RPS6KA4: variants seen among roughly 807,000 people sequenced by gnomAD.
RPS6KA4 encodes the protein ribosomal protein S6 kinase A4.
In RPS6KA4, 38 loss-of-function variants were observed where a neutral mutation model predicts 89.6. The ratio of observed to expected loss-of-function variants is 0.42; its 90% confidence interval spans 0.33 to 0.56. The LOEUF (loss-of-function observed/expected upper bound fraction) is 0.56, where lower values mean the gene tolerates loss of function less well. Among genes scored for constraint, RPS6KA4 ranks in the 20% least tolerant of loss-of-function variants. RPS6KA4 has a pLI of 0.07. For synonymous variants in RPS6KA4, 495 were observed against 492.8 expected, an observed-to-expected ratio of 1.00 and a Z score of -0.06; for missense variants, 873 against 1,098.8, an observed-to-expected ratio of 0.79 and a Z score of 2.90.
At chr11:64,364,448 G>A (rs966863245) in intron 8 of RPS6KA4, among the ~76,000 whole-genome samples, 2 of 152,270 alleles carry the variant, frequency 1.3e-5, no homozygotes, top group Admixed American at 1.3e-4. Flanking sequence ...CTGGGGCTAT[G>A]GTACTAAGGA....
Position 64,371,763 on chromosome 11 carries a change from A to G in RPS6KA4, c.*283A>G. The G allele has an allele frequency of 5.9e-6, 2 of 339,324 alleles. No homozygotes were observed. Among genetic ancestry groups the G allele is most frequent in the Non-Finnish European group, 1.1e-5 (2 of 186,398 alleles). The allele number at this position is 339,324 out of a possible 1,614,324, so 21.0% of individuals were successfully genotyped here. On this transcript the variant is annotated 3_prime_UTR_variant, in exon 17 of 17. Transcript: ENST00000334205. ...CTGGGCAGAAGGCCCCTCCAGGGGG[A>G]CTGCTCCAACAGGAAAGAGCCCCTC...
rs753491076 is a variant in RPS6KA4, at chr11:64,370,579, C to A, written c.1974C>A (p.Asp658Glu). The change falls in exon 16 of 17, where the codon GAC becomes GAA. Residue 658 changes from aspartate (D) to glutamate (E), a missense_variant. Physicochemically the swap from Asp to Glu is conservative, Grantham distance 45. Coordinates refer to ENST00000334205, the MANE Select transcript of RPS6KA4 (RefSeq NM_003942.3). The surrounding 1 kb of genome is among the most constrained non-coding windows in gnomAD (Gnocchi z 4.1). ...KELVRGLLTV[D>E]PAKRLKLEGL... Reference sequence around the variant, plus strand: ...CGCCTCCAGGGCTCCTGACCGTGGACCCCGCCAAGCGGCTGAAGCTCGAGG... The same window carrying A: ...CGCCTCCAGGGCTCCTGACCGTGGAACCCGCCAAGCGGCTGAAGCTCGAGG... The A allele has an allele frequency of 1.6e-5, 25 of 1,592,302 alleles. No homozygotes were observed. The highest frequency in any genetic ancestry group is 4.0e-5 in the African/African-American group (3 of 74,796).
At chr11:64,368,680 A>G in intron 11 of RPS6KA4, 24 bp from the exon 12 acceptor site, 2 of 1,575,386 alleles carry the variant, frequency 1.3e-6, no homozygotes, top group Non-Finnish European at 1.7e-6. Context: ...CGGCGACCGT[A>G]ACTCCTTCTG....
Position 64,371,592 on chromosome 11 carries a change from T to C in RPS6KA4, c.*112T>C, listed in dbSNP as rs1182883296. On this transcript the variant is annotated 3_prime_UTR_variant, in exon 17 of 17. Transcript: ENST00000334205. ...TGATCCCCAAGGGACTGTCCTTTCCTCTCCTACCCCACCCCACTCCCAGAC... is the reference window on the plus strand; with the variant it reads ...TGATCCCCAAGGGACTGTCCTTTCCCCTCCTACCCCACCCCACTCCCAGAC... 1.7e-6 allele frequency: 1 copy of C among 580,966 alleles called. No homozygotes were observed. Among genetic ancestry groups the C allele is most frequent in the South Asian group, 2.1e-5 (1 of 47,990 alleles). The allele number at this position is 580,966 out of a possible 1,614,324, so 36.0% of individuals were successfully genotyped here. A position where few individuals can be genotyped will look rare whatever the true frequency, so the allele number is the denominator to read the frequency against.
chr11:64,364,453 T>C (rs1035958701), intron 8 of RPS6KA4, among the ~76,000 whole-genome samples: 4 of 152,230 alleles, frequency 2.6e-5, no homozygotes. Flanking sequence ...GCTATGGTAC[T>C]AAGGAAGACA....
At position 64,370,961 on chromosome 11, in the gene RPS6KA4, G is replaced by A. The variant is rs7949793; in HGVS notation, c.2121+235G>A. On this transcript the variant is annotated intron_variant, in intron 16 of 16. Transcript: ENST00000334205. This position sits in a 1 kb window ranked among gnomAD's most constrained non-coding sequence, Gnocchi z 4.1. ...TCTTCTAAAAAGAGAAAAATTAGCC[G>A]GGTGTGGTGGCGCGCGCCTGTAATC... Among the ~76,000 whole-genome samples the A allele has an allele frequency of 0.22, 33,566 of 151,932 alleles. 4,711 individuals are homozygous for A. The highest frequency in any genetic ancestry group is 0.32 in the Non-Finnish European group (21,940 of 67,900).
At chr11:64,360,093 C>A in intron 2 of RPS6KA4, 70 bp from the exon 3 acceptor site, 1 of 1,423,544 alleles carries the variant, frequency 7.0e-7, no homozygotes, top group Non-Finnish European at 9.5e-7. Flanking sequence ...GTTGGCATCG[C>A]CCCCACCCCC....
chr11:64,369,472 G>C lies in RPS6KA4; in HGVS notation c.1455G>C (p.Leu485=). 1 of 1,608,396 alleles carries C rather than the reference G, an allele frequency of 6.2e-7. No individual in the cohort carries two copies. Among genetic ancestry groups the C allele is most frequent in the South Asian group, 1.1e-5 (1 of 90,662 alleles). The change falls in exon 13 of 17, where the codon CTG becomes CTC. Residue 485 remains leucine (L), a synonymous_variant. Transcript: ENST00000334205. ...DQLHTYLVLE[L]LRGGELLEHI... Reference sequence around the variant, plus strand: ...TGCACACGTACCTGGTCCTGGAGCTGCTGCGGGGCGGGGAGCTGCTGGAGC... The same window carrying C: ...TGCACACGTACCTGGTCCTGGAGCTCCTGCGGGGCGGGGAGCTGCTGGAGC...
rs1018416154 is a variant in RPS6KA4 at position 64,370,030 on chromosome 11, G to A, written c.1797+137G>A. On this transcript the variant is annotated intron_variant, in intron 14 of 16. Coordinates refer to ENST00000334205, the MANE Select transcript of RPS6KA4 (RefSeq NM_003942.3). The surrounding 1 kb of genome is among the most constrained non-coding windows in gnomAD (Gnocchi z 4.1). Reference sequence around the variant, plus strand: ...TTTCGTCCGAAGCTGGGATCGGGGTGGTTCAAATACAGAGGTGGGGTCGCT... The same window carrying A: ...TTTCGTCCGAAGCTGGGATCGGGGTAGTTCAAATACAGAGGTGGGGTCGCT... 3.5e-6 allele frequency: 4 copies of A among 1,140,380 alleles called. No individual in the cohort carries two copies. The highest frequency in any genetic ancestry group is 3.0e-4 in the Middle Eastern group (1 of 3,336). 70.6% of individuals were successfully genotyped at this position (1,140,380 alleles called of 1,614,324 possible).
rs746810963 is a variant in RPS6KA4, at chr11:64,370,025, G to A, written c.1797+132G>A. ...CTGGGTTTCGTCCGAAGCTGGGATCGGGGTGGTTCAAATACAGAGGTGGGG... is the reference window on the plus strand; with the variant it reads ...CTGGGTTTCGTCCGAAGCTGGGATCAGGGTGGTTCAAATACAGAGGTGGGG... On this transcript the variant is annotated intron_variant, in intron 14 of 16. Transcript: ENST00000334205. The surrounding 1 kb of genome is among the most constrained non-coding windows in gnomAD (Gnocchi z 4.1). 18 of 1,155,164 alleles carry A rather than the reference G, an allele frequency of 1.6e-5. No individual in the cohort carries two copies. Among genetic ancestry groups the A allele is most frequent in the Non-Finnish European group, 1.9e-5 (16 of 845,370 alleles). 71.6% of individuals were successfully genotyped at this position (1,155,164 alleles called of 1,614,324 possible). A position where few individuals can be genotyped will look rare whatever the true frequency, so the allele number is the denominator to read the frequency against.
chr11:64,359,657 C>G (rs1039756479), intron 2 of RPS6KA4: 6 of 596,752 alleles, frequency 1.0e-5, no homozygotes, highest in Non-Finnish European at 1.5e-5. Flanking sequence ...CCTCCACGGT[C>G]CTGTGCGTGC....
At chr11:64,366,259 C>T (rs968300254) in intron 9 of RPS6KA4, among the ~76,000 whole-genome samples, 1 of 151,720 alleles carries the variant, frequency 6.6e-6, no homozygotes, top group African/African-American at 2.4e-5. Flanking sequence ...AAATCTCTGC[C>T]TCACGGGTTC....
chr11:64,364,804 A>G lies in RPS6KA4; in HGVS notation c.907-497A>G, dbSNP rs550560983. Among the ~76,000 whole-genome samples, 4 of 140,604 alleles carry G rather than the reference A, an allele frequency of 2.8e-5. No homozygotes were observed. In the East Asian group the frequency reaches 6.2e-4, roughly 22 times the overall value. 92.2% of individuals were successfully genotyped at this position (140,604 alleles called of 152,430 possible). A position where few individuals can be genotyped will look rare whatever the true frequency, so the allele number is the denominator to read the frequency against. On this transcript the variant is annotated intron_variant, in intron 8 of 16. Transcript: ENST00000334205. The stretch of plus-strand genomic sequence containing the variant: ...GCCCAGGCTGGAGTGCAGTGGCGCT[A>G]TCTTGGTTCACTGCAACCTCTGCTT...
rs2036997507 is a variant in RPS6KA4 at position 64,369,580 on chromosome 11, C to T, written c.1563C>T (p.His521=). ...TCGTGTCGGCCGTGAGCTTCATGCA[C>T]GAGGAGGCGGGCGTGGTGCACCGCG... ...RSLVSAVSFM[H]EEAGVVHRDL... The change falls in exon 13 of 17, where the codon CAC becomes CAT. Residue 521 remains histidine, a synonymous_variant. Transcript: ENST00000334205. The T allele has an allele frequency of 1.2e-6, 2 of 1,606,008 alleles. No homozygotes were observed. The highest frequency in any genetic ancestry group is 2.2e-5 in the South Asian group (2 of 90,258).
Position 64,361,793 on chromosome 11 carries a change from C to A in RPS6KA4, c.755+48C>A, listed in dbSNP as rs1472042054. 1 of 1,585,064 alleles carries A rather than the reference C, an allele frequency of 6.3e-7. No homozygotes were observed. Among genetic ancestry groups the A allele is most frequent in the Non-Finnish European group, 8.6e-7 (1 of 1,168,246 alleles). The stretch of plus-strand genomic sequence containing the variant: ...GGCGGCCAGAGGGCTGCAGGGCCTG[C>A]CTGGGCAGGGCTGTGGGTGGGGGGC... On this transcript the variant is annotated intron_variant, in intron 7 of 16. Transcript: ENST00000334205. This position sits in a 1 kb window ranked among gnomAD's most constrained non-coding sequence, Gnocchi z 4.7.
At chr11:64,371,246 G>T (rs1276266760) in intron 16 of RPS6KA4, 37 bp from the exon 17 acceptor site, 1 of 1,601,088 alleles carries the variant, frequency 6.2e-7, no homozygotes, top group African/African-American at 1.3e-5. Flanking sequence ...CCGGGGTCAG[G>T]CGGGGGTGGG....
At chr11:64,359,907 C>T in intron 2 of RPS6KA4, 1 of 574,300 alleles carries the variant, frequency 1.7e-6, no homozygotes, top group Non-Finnish European at 3.1e-6. Context: ...CGCCCCCATG[C>T]CTCGCAGCAG....
chr11:64,370,347 G>A lies in RPS6KA4; in HGVS notation c.1920G>A (p.Trp640Ter). The A allele has an allele frequency of 6.2e-7, 1 of 1,607,622 alleles. No homozygotes were observed. Among genetic ancestry groups the A allele is most frequent in the East Asian group, 2.2e-5 (1 of 44,794 alleles). Reference protein sequence around the residue: ...EGRFSLDGEAWQGVSEEAKEL... With the variant: ...EGRFSLDGEA ...GCTTCTCCCTTGACGGGGAGGCCTG[G>A]CAGGGTGTATCCGAGGAAGCCAAGG... The change falls in exon 15 of 17, where the codon TGG becomes TGA. Residue 640 changes from tryptophan to a stop codon, truncating the protein, a stop_gained. Transcript: ENST00000334205. LOFTEE classifies it high-confidence loss of function. The surrounding 1 kb of genome is among the most constrained non-coding windows in gnomAD (Gnocchi z 4.1).
In RPS6KA4 at chr11:64,370,510, GGGCTCAGCCTTTACGCCA is replaced by G; in HGVS notation, c.1958-47_1958-30del. The G allele has an allele frequency of 6.3e-7, 1 of 1,594,978 alleles. No homozygotes were observed. The highest frequency in any genetic ancestry group is 2.3e-5 in the East Asian group (1 of 44,330). ...GAGTGGGGCTGTTACGATCTCTTTG[GGGCTCAGCCTTTACGCCA>G]GGCTCCTCCCCACACTTCCTTGCCC... On this transcript the variant is annotated intron_variant, in intron 15 of 16. Transcript: ENST00000334205. The surrounding 1 kb of genome is among the most constrained non-coding windows in gnomAD (Gnocchi z 4.1).
Sources: allele counts gnomAD v4.1 joint callset (sites outside exome capture counted in the v4.1 genomes callset), GRCh38; gene constraint gnomAD v4.1.1; non-coding constraint Gnocchi (gnomAD v3.1); transcripts MANE v1.5; gene names NCBI Gene and HGNC (gene_info 2026-07-23, HGNC 2026-07-21).